Variants in FGGY observed in about 807,000 individuals in gnomAD.
The protein encoded by FGGY is FGGY carbohydrate kinase domain-containing protein.
Under a neutral mutation model 71.3 loss-of-function variants are expected in FGGY, and 72 were observed. The ratio of observed to expected loss-of-function variants is 1.01; its 90% confidence interval spans 0.84 to 1.23. FGGY has a LOEUF of 1.23. Among genes scored for constraint, FGGY ranks in the 50% most tolerant of loss-of-function variants. The pLI is 0.00. For missense variants in FGGY, 668 were observed against 682.3 expected (o/e 0.98, Z 0.23); for synonymous variants, 251 against 250.3 (o/e 1.00, Z -0.02).
chr1:59,688,478 C>G (rs1020617823), intron 14 of FGGY, among the ~76,000 whole-genome samples: 4 of 152,188 alleles, frequency 2.6e-5, no homozygotes, highest in African/African-American at 9.7e-5. Flanking sequence ...TCATATTGCC[C>G]TGGTCTTGTA....
intron 5 of FGGY, among the ~76,000 whole-genome samples, chr1:59,450,423 C>T (rs1257750123): frequency 2.0e-5 from 3 of 152,080 alleles, no homozygotes; most frequent in Non-Finnish European, 2.9e-5. Context: ...AGTTCTGATA[C>T]TCTTCATTCC....
chr1:59,381,719 T>C (rs1271115650), intron 5 of FGGY, among the ~76,000 whole-genome samples: 2 of 151,920 alleles, frequency 1.3e-5, no homozygotes, highest in East Asian at 3.9e-4. Context: ...TCAAGGAAGC[T>C]GATTCAGCTG....
At chr1:59,441,068 TC>T (rs1480663074) in intron 5 of FGGY, among the ~76,000 whole-genome samples, 2 of 152,152 alleles carry the variant, frequency 1.3e-5, no homozygotes, top group Non-Finnish European at 2.9e-5. Context: ...CCTTTTGTGC[TC>T]CCATAAAGCT....
At chr1:59,517,811 T>G (rs536746068) in intron 7 of FGGY, among the ~76,000 whole-genome samples, 1 of 152,328 alleles carries the variant, frequency 6.6e-6, no homozygotes, top group South Asian at 2.1e-4. Context: ...AGTGAATGAA[T>G]GAATGGCATT....
At chr1:59,402,165 G>A (rs1050251113) in intron 5 of FGGY, among the ~76,000 whole-genome samples, 3 of 152,194 alleles carry the variant, frequency 2.0e-5, no homozygotes, top group Non-Finnish European at 4.4e-5. Context: ...ATGGACAAAA[G>A]CATGAACATG....
intron 6 of FGGY, among the ~76,000 whole-genome samples, chr1:59,484,015 G>A (rs1489389297): frequency 6.6e-6 from 1 of 152,062 alleles, no homozygotes; most frequent in East Asian, 1.9e-4. Flanking sequence ...AGGGACTGTC[G>A]CCAAACATTG....
intron 8 of FGGY, among the ~76,000 whole-genome samples, chr1:59,591,548 G>C (rs563253305): frequency 5.7e-4 from 87 of 152,248 alleles, no homozygotes; most frequent in Middle Eastern, 6.8e-3. Context: ...ATACTACAAG[G>C]CTACAGTAAC....
At chr1:59,480,040 C>G (rs2093413463) in intron 6 of FGGY, among the ~76,000 whole-genome samples, 1 of 152,162 alleles carries the variant, frequency 6.6e-6, no homozygotes, top group South Asian at 2.1e-4. Context: ...AAAATGCTAC[C>G]TAGCCTGTGT....
At chr1:59,316,854 C>T (rs139498871) in intron 1 of FGGY, among the ~76,000 whole-genome samples, 3 of 152,250 alleles carry the variant, frequency 2.0e-5, no homozygotes, top group East Asian at 1.9e-4. Context: ...GTCCACAGTC[C>T]GTGCCCTCAT....
At chr1:59,323,249 A>G (rs538007355) in intron 2 of FGGY, among the ~76,000 whole-genome samples, 14 of 152,216 alleles carry the variant, frequency 9.2e-5, no homozygotes, top group Non-Finnish European at 1.9e-4. Flanking sequence ...ATGAAAAGCT[A>G]CTTTAAAAAA....
intron 7 of FGGY, among the ~76,000 whole-genome samples, chr1:59,529,383 G>A (rs886873602): frequency 6.6e-6 from 1 of 152,206 alleles, no homozygotes; most frequent in Non-Finnish European, 1.5e-5. Context: ...ACAGCTGGCA[G>A]TGAGAACCCC....
At chr1:59,375,004 A>G (rs1195011309) in intron 4 of FGGY, among the ~76,000 whole-genome samples, 3 of 151,462 alleles carry the variant, frequency 2.0e-5, no homozygotes, top group Admixed American at 6.6e-5. Flanking sequence ...AGCATGTCAC[A>G]TGTATACACA....
intron 5 of FGGY, among the ~76,000 whole-genome samples, chr1:59,443,773 A>G (rs2070552041): frequency 6.6e-6 from 1 of 152,220 alleles, no homozygotes; most frequent in Non-Finnish European, 1.5e-5. Flanking sequence ...TGAGATAGGT[A>G]TGTATGTTTT....
At chr1:59,538,332 AG>A (rs1280174513) in intron 7 of FGGY, among the ~76,000 whole-genome samples, 1 of 151,172 alleles carries the variant, frequency 6.6e-6, no homozygotes, top group East Asian at 1.9e-4. Context: ...ATCATTAAAA[AG>A]TCAGGAAACA....
At chr1:59,350,364 T>G (rs2053024513) in intron 4 of FGGY, among the ~76,000 whole-genome samples, 1 of 152,162 alleles carries the variant, frequency 6.6e-6, no homozygotes, top group Non-Finnish European at 1.5e-5. Context: ...TCAAATGTAC[T>G]ATGCACTGTG....
chr1:59,540,072 C>G (rs2095416009), intron 7 of FGGY, among the ~76,000 whole-genome samples: 1 of 152,174 alleles, frequency 6.6e-6, no homozygotes, highest in African/African-American at 2.4e-5. Flanking sequence ...TATGATATCA[C>G]TACACACCCT....
intron 1 of FGGY, among the ~76,000 whole-genome samples, chr1:59,321,184 C>G (rs1466880912): frequency 6.6e-6 from 1 of 152,208 alleles, no homozygotes; most frequent in East Asian, 1.9e-4. Context: ...TTGAAATTCA[C>G]TGAGAAGAAA....
chr1:59,461,376 G>A (rs1032447295), intron 6 of FGGY, among the ~76,000 whole-genome samples: 1 of 152,180 alleles, frequency 6.6e-6, no homozygotes, highest in African/African-American at 2.4e-5. Context: ...AGAGAAAAAA[G>A]AGTAACAAGA....
At chr1:59,415,745 A>G (rs183856717) in intron 5 of FGGY, among the ~76,000 whole-genome samples, 74 of 152,302 alleles carry the variant, frequency 4.9e-4, no homozygotes, top group Non-Finnish European at 9.6e-4. Flanking sequence ...TCTCCAGGTC[A>G]GTGTCTAGCA....
Sources: gnomAD v4.1 joint callset for allele counts (sites outside exome capture counted in the v4.1 genomes callset) on GRCh38, gnomAD v4.1.1 for gene constraint, MANE v1.5 for transcripts, NCBI Gene and HGNC (gene_info 2026-07-23, HGNC 2026-07-21) for gene names.